Variants in EHF observed in about 807,000 individuals in gnomAD.
EHF encodes ESE3 transcription factor.
EHF carries 14 observed loss-of-function variants against 45.1 expected under a neutral mutation model. That is an observed-to-expected ratio of 0.31 (90% CI 0.21 to 0.49). The LOEUF (loss-of-function observed/expected upper bound fraction) is 0.49. Among genes scored for constraint, EHF ranks in the 20% least tolerant of loss-of-function variants. The probability of loss-of-function intolerance (pLI) is 0.99; values close to 1 mark genes in which losing one functional copy is unlikely to be tolerated. For missense variants in EHF, 282 were observed against 371.4 expected (o/e 0.76, Z 1.98); for synonymous variants, 136 against 131.8 (o/e 1.03, Z -0.22).
chr11:34,648,346 A>AATAT (rs34971776), intron 3 of EHF, among the ~76,000 whole-genome samples: 3,942 of 147,690 alleles, frequency 0.027, 160 homozygotes, highest in African/African-American at 0.092. Context: ...TGCATTTACA[A>AATAT]ATATATATAT....
At chr11:34,646,365 A>G in intron 2 of EHF, 74 bp from the exon 3 acceptor site, 2 of 1,592,738 alleles carry the variant, frequency 1.3e-6, no homozygotes, top group Non-Finnish European at 1.7e-6. Flanking sequence ...GGCAGCCAAC[A>G]GTACATCCCT....
chr11:34,626,733 G>A lies in EHF; in HGVS notation c.-4+5505G>A, dbSNP rs572881987. 2.6e-5 allele frequency among the ~76,000 whole-genome samples: 4 copies of A among 152,308 alleles called. No homozygotes were observed. In the South Asian group the frequency reaches 6.2e-4, roughly 24 times the overall value. ...GATGGAGTAAAATTTGACTGCATGTGTATCTGAAGGGGTAGGAGGCTAAGA... is the reference window on the plus strand; with the variant it reads ...GATGGAGTAAAATTTGACTGCATGTATATCTGAAGGGGTAGGAGGCTAAGA... On this transcript the variant is annotated intron_variant, in intron 1 of 8. Coordinates refer to ENST00000257831, the MANE Select transcript of EHF (RefSeq NM_012153.6).
intron 1 of EHF, among the ~76,000 whole-genome samples, chr11:34,622,690 C>G (rs1852064541): frequency 6.6e-6 from 1 of 152,172 alleles, no homozygotes; most frequent in Admixed American, 6.5e-5. Context: ...AAATAACTCA[C>G]CAATTCCATC....
intron 3 of EHF, among the ~76,000 whole-genome samples, chr11:34,647,280 A>C (rs1854659188): frequency 6.6e-6 from 1 of 152,184 alleles, no homozygotes; most frequent in South Asian, 2.1e-4. Flanking sequence ...AGACACGTGT[A>C]TGGGGAATGT....
intron 1 of EHF, chr11:34,622,258 T>C (rs1852033891): frequency 3.4e-6 from 1 of 290,698 alleles, no homozygotes; most frequent in Non-Finnish European, 6.7e-6. Flanking sequence ...TGGGAGTGTG[T>C]GTTTTTAAGA....
In EHF at chr11:34,660,276, A is replaced by G. The variant is rs561747669; in HGVS notation, c.*1345A>G. 2.0e-5 allele frequency: 3 copies of G among 152,262 alleles called. No individual in the cohort carries two copies. Among genetic ancestry groups the G allele is most frequent in the African/African-American group, 7.2e-5 (3 of 41,544 alleles). The allele number at this position is 152,262 out of a possible 1,614,324, so 9.4% of individuals were successfully genotyped here. A position where few individuals can be genotyped will look rare whatever the true frequency, so the allele number is the denominator to read the frequency against. On this transcript the variant is annotated 3_prime_UTR_variant, in exon 9 of 9. Transcript: ENST00000257831. Reference sequence around the variant, plus strand: ...GGAATTACAAAGCAGAATTAAAATTATATTGTAGAAGGAAACACCAAGAAA... The same window carrying G: ...GGAATTACAAAGCAGAATTAAAATTGTATTGTAGAAGGAAACACCAAGAAA...
At chr11:34,632,472 G>A in intron 1 of EHF, 1 of 1,517,504 alleles carries the variant, frequency 6.6e-7, no homozygotes, top group East Asian at 2.5e-5. Context: ...ACAACCCACT[G>A]CTTTATTCTG....
chr11:34,631,183 C>A (rs2134008795), intron 1 of EHF, among the ~76,000 whole-genome samples: 1 of 152,250 alleles, frequency 6.6e-6, no homozygotes, highest in East Asian at 1.9e-4. Flanking sequence ...AGGCACATGC[C>A]ACCATGCCTG....
At chr11:34,648,879 C>CCACCT (rs2134161609) in intron 3 of EHF, 140 bp from the exon 4 acceptor site, 1 of 750,536 alleles carries the variant, frequency 1.3e-6, no homozygotes, top group East Asian at 2.6e-5. Flanking sequence ...GACAGAGAAA[C>CCACCT]CACCTCCCAT....
chr11:34,626,371 G>T (rs186822518), intron 1 of EHF, among the ~76,000 whole-genome samples: 24 of 152,280 alleles, frequency 1.6e-4, no homozygotes, highest in African/African-American at 5.5e-4. Context: ...GGAGAATATG[G>T]TCATCTTGTG....
chr11:34,653,949 T>C (rs1250484851), intron 6 of EHF, among the ~76,000 whole-genome samples: 2 of 152,212 alleles, frequency 1.3e-5, no homozygotes, highest in Non-Finnish European at 2.9e-5. Context: ...TTTCATAAAA[T>C]GCCCGCTGCC....
chr11:34,644,062 C>T (rs1416454842), intron 2 of EHF, among the ~76,000 whole-genome samples: 1 of 152,158 alleles, frequency 6.6e-6, no homozygotes, highest in Non-Finnish European at 1.5e-5. Flanking sequence ...GGTGGGTTCT[C>T]TGTCTGATGC....
At chr11:34,639,533 A>G (rs1853777445) in intron 1 of EHF, among the ~76,000 whole-genome samples, 1 of 152,244 alleles carries the variant, frequency 6.6e-6, no homozygotes. Context: ...ACTATGCCTC[A>G]GAGGAGGGTA....
chr11:34,639,418 G>A (rs897138251), intron 1 of EHF, among the ~76,000 whole-genome samples: 8 of 152,158 alleles, frequency 5.3e-5, no homozygotes, highest in Non-Finnish European at 7.4e-5. Context: ...GTTATAATAA[G>A]GTTTTTTTAC....
chr11:34,648,846 G>A (rs1482019746), intron 3 of EHF, among the ~76,000 whole-genome samples, 173 bp from the exon 4 acceptor site: 1 of 152,178 alleles, frequency 6.6e-6, no homozygotes, highest in East Asian at 1.9e-4. Flanking sequence ...GTCAGAGACT[G>A]CAGGCTTGAG....
intron 1 of EHF, chr11:34,632,716 C>A: frequency 6.6e-7 from 1 of 1,517,668 alleles, no homozygotes; most frequent in South Asian, 1.2e-5. Flanking sequence ...CCATTCCATT[C>A]ACAACAGGAG....
At chr11:34,645,460 A>C (rs1854422443) in intron 2 of EHF, among the ~76,000 whole-genome samples, 1 of 152,212 alleles carries the variant, frequency 6.6e-6, no homozygotes, top group Non-Finnish European at 1.5e-5. Context: ...CTCTGAGGTC[A>C]TTTTTTAGGT....
At chr11:34,634,915 G>C (rs1159935811) in intron 1 of EHF, among the ~76,000 whole-genome samples, 1 of 152,034 alleles carries the variant, frequency 6.6e-6, no homozygotes, top group African/African-American at 2.4e-5. Flanking sequence ...CAGTTCCCAG[G>C]TTTTATTGCA....
At chr11:34,652,138 G>C (rs950825775) in intron 6 of EHF, among the ~76,000 whole-genome samples, 5 of 152,082 alleles carry the variant, frequency 3.3e-5, no homozygotes, top group African/African-American at 1.2e-4. Context: ...TATACTTATG[G>C]GAAATAAGGC....
Sources: gnomAD v4.1 joint callset for allele counts (sites outside exome capture counted in the v4.1 genomes callset) on GRCh38, gnomAD v4.1.1 for gene constraint, MANE v1.5 for transcripts, NCBI Gene and HGNC (gene_info 2026-07-23, HGNC 2026-07-21) for gene names.